Variants in C5orf24 observed in about 807,000 individuals in gnomAD.
C5orf24 encodes chromosome 5 open reading frame 24, also known as UPF0461 protein C5orf24.
Under a neutral mutation model 9.8 loss-of-function variants are expected in C5orf24, and 4 were observed. That is an observed-to-expected ratio of 0.41 (90% CI 0.20 to 0.93). C5orf24 has a LOEUF of 0.93. Among genes scored for constraint, C5orf24 ranks in the 40% least tolerant of loss-of-function variants. The pLI is 0.33. For synonymous variants in C5orf24, 73 were observed against 81.3 expected, an observed-to-expected ratio of 0.90 and a Z score of 0.55; for missense variants, 170 against 236.9, an observed-to-expected ratio of 0.72 and a Z score of 1.85.
rs1209236488 is a variant in C5orf24, at chr5:134,851,028, ATTTAT to A, written c.-3-3866_-3-3862del. On this transcript the variant is annotated intron_variant, in intron 1 of 1. Transcript: ENST00000394976. ...TATTTATTTATTTATTTATTTATTTATTTATTTTTGTTACCCTCCTGGTAAGTCAC... is the reference window on the plus strand; with the variant it reads ...TATTTATTTATTTATTTATTTATTTATTTTGTTACCCTCCTGGTAAGTCAC... Among the ~76,000 whole-genome samples, 315 of 148,760 alleles carry A rather than the reference ATTTAT, an allele frequency of 2.1e-3. 1 individual carries two copies. Among genetic ancestry groups the A allele is most frequent in the African/African-American group, 7.7e-3 (303 of 39,562 alleles).
At chr5:134,848,176 T>G (rs1324672969) in intron 1 of C5orf24, among the ~76,000 whole-genome samples, 2 of 151,612 alleles carry the variant, frequency 1.3e-5, no homozygotes, top group Admixed American at 6.6e-5. Context: ...CCAGGCGTGG[T>G]GGCTGGCGCC....
chr5:134,848,413 T>C (rs576040752), intron 1 of C5orf24, among the ~76,000 whole-genome samples: 1 of 151,952 alleles, frequency 6.6e-6, no homozygotes, highest in Admixed American at 6.6e-5. Flanking sequence ...TCCCGGCACT[T>C]TGGGAGGCCA....
At chr5:134,833,665 A>G in the C5orf24 span, 13 of 152,196 alleles carry the variant, frequency 8.5e-5, no homozygotes, top group African/African-American at 3.1e-4. Context: ...GGATATTTGA[A>G]GGCCTTCTAA....
rs1416272447 is a variant in C5orf24 at position 134,846,027 on chromosome 5, G to C, written c.-189G>C. 1.3e-5 allele frequency: 2 copies of C among 152,288 alleles called. No homozygotes were observed. Among genetic ancestry groups the C allele is most frequent in the Non-Finnish European group, 2.9e-5 (2 of 68,144 alleles). The allele number at this position is 152,288 out of a possible 1,614,324, so 9.4% of individuals were successfully genotyped here. A position where few individuals can be genotyped will look rare whatever the true frequency, so the allele number is the denominator to read the frequency against. ...CGTCCGGGGCAGGACCGTGCGCGGC[G>C]GCCGCGGCGGGTGCTGGGAGCCAGC... is the stretch of plus-strand genomic sequence containing the variant. On this transcript the variant is annotated 5_prime_UTR_variant, in exon 1 of 2. Coordinates refer to ENST00000394976, the MANE Select transcript of C5orf24 (RefSeq NM_001135586.1).
At chr5:134,836,829 A>C in the C5orf24 span, among the ~76,000 whole-genome samples, 535 of 152,160 alleles carry the variant, frequency 3.5e-3, 3 homozygotes, top group African/African-American at 0.012. Context: ...GGCATGAGCC[A>C]CCCCTCCCAG....
chr5:134,857,134 A>C lies in C5orf24; in HGVS notation c.*1667A>C, dbSNP rs761859541. On this transcript the variant is annotated 3_prime_UTR_variant, in exon 2 of 2. Transcript: ENST00000394976. ...ATTTATTGAGTTTGTTCTAAATAAA[A>C]TATTATAAACTTCAGACTTGAAAAA... 37 of 1,285,788 alleles carry C rather than the reference A, an allele frequency of 2.9e-5. No individual in the cohort carries two copies. The highest frequency in any genetic ancestry group is 3.6e-5 in the Admixed American group (1 of 27,544). The allele number at this position is 1,285,788 out of a possible 1,614,324, so 79.6% of individuals were successfully genotyped here.
Position 134,856,958 on chromosome 5 carries a change from T to A in C5orf24, c.*1491T>A. On this transcript the variant is annotated 3_prime_UTR_variant, in exon 2 of 2. Coordinates refer to ENST00000394976, the MANE Select transcript of C5orf24 (RefSeq NM_001135586.1). The stretch of plus-strand genomic sequence containing the variant: ...TCTTATTGTGGGTCCAGTGAGACCA[T>A]CTCATCCAAAAGATTTTTTTTCCCC... 1 of 1,004,976 alleles carries A rather than the reference T, an allele frequency of 1.0e-6. No individual in the cohort carries two copies. Among genetic ancestry groups the A allele is most frequent in the Non-Finnish European group, 1.2e-6 (1 of 833,318 alleles). The allele number at this position is 1,004,976 out of a possible 1,614,324, so 62.3% of individuals were successfully genotyped here. A position where few individuals can be genotyped will look rare whatever the true frequency, so the allele number is the denominator to read the frequency against.
In C5orf24 at chr5:134,857,489, C is replaced by T. The variant is rs1756345833; in HGVS notation, c.*2022C>T. On this transcript the variant is annotated 3_prime_UTR_variant, in exon 2 of 2. Coordinates refer to ENST00000394976, the MANE Select transcript of C5orf24 (RefSeq NM_001135586.1). The stretch of plus-strand genomic sequence containing the variant: ...GTGCACTGGCGTCTAAGACAGTGAC[C>T]TCAACAATATTAGCTTTGCACAAAC... 1 of 1,407,624 alleles carries T rather than the reference C, an allele frequency of 7.1e-7. No homozygotes were observed. Among genetic ancestry groups the T allele is most frequent in the Admixed American group, 2.5e-5 (1 of 39,906 alleles). 87.2% of individuals were successfully genotyped at this position (1,407,624 alleles called of 1,614,324 possible). A position where few individuals can be genotyped will look rare whatever the true frequency, so the allele number is the denominator to read the frequency against.
At chr5:134,849,551 A>G (rs1256056960) in intron 1 of C5orf24, among the ~76,000 whole-genome samples, 1 of 149,966 alleles carries the variant, frequency 6.7e-6, no homozygotes, top group African/African-American at 2.4e-5. Context: ...TTTATTAATT[A>G]TTAAGTAGAA....
chr5:134,856,676 TA>T lies in C5orf24; in HGVS notation c.*1212del, dbSNP rs1756322538. On this transcript the variant is annotated 3_prime_UTR_variant, in exon 2 of 2. Coordinates refer to ENST00000394976, the MANE Select transcript of C5orf24 (RefSeq NM_001135586.1). ...ATAAATAAATAAATAAATAAATAAA[TA>T]AATAAAACCATTTATTGATGTTGCT... is the stretch of plus-strand genomic sequence containing the variant. 1 of 857,660 alleles carries T rather than the reference TA, an allele frequency of 1.2e-6. No homozygotes were observed. Among genetic ancestry groups the T allele is most frequent in the African/African-American group, 1.8e-5 (1 of 54,188 alleles). The allele number at this position is 857,660 out of a possible 1,614,324, so 53.1% of individuals were successfully genotyped here. A position where few individuals can be genotyped will look rare whatever the true frequency, so the allele number is the denominator to read the frequency against.
chr5:134,859,693 A>T lies in C5orf24; in HGVS notation c.*4226A>T, dbSNP rs1177118965. ...GTTCATGATTTGTATCTACATCATCATATGGATGTATATTTATTAATAAAG... is the reference window on the plus strand; with the variant it reads ...GTTCATGATTTGTATCTACATCATCTTATGGATGTATATTTATTAATAAAG... On this transcript the variant is annotated 3_prime_UTR_variant, in exon 2 of 2. Transcript: ENST00000394976. 6.0e-6 allele frequency: 1 copy of T among 167,002 alleles called. No individual in the cohort carries two copies. Among genetic ancestry groups the T allele is most frequent in the East Asian group, 1.9e-4 (1 of 5,204 alleles). The allele number at this position is 167,002 out of a possible 1,614,324, so 10.3% of individuals were successfully genotyped here. A position where few individuals can be genotyped will look rare whatever the true frequency, so the allele number is the denominator to read the frequency against.
chr5:134,835,897 C>T, the C5orf24 span, among the ~76,000 whole-genome samples: 1 of 151,806 alleles, frequency 6.6e-6, no homozygotes, highest in Admixed American at 6.6e-5. Flanking sequence ...TGGGGTCTCG[C>T]TATGTTGCCC....
At chr5:134,849,372 G>A (rs1025441937) in intron 1 of C5orf24, among the ~76,000 whole-genome samples, 3 of 152,150 alleles carry the variant, frequency 2.0e-5, no homozygotes, top group African/African-American at 7.2e-5. Context: ...TAAATATGCT[G>A]CATGTAAATA....
chr5:134,838,389 G>A, the C5orf24 span, among the ~76,000 whole-genome samples: 2 of 152,148 alleles, frequency 1.3e-5, no homozygotes, highest in African/African-American at 4.8e-5. Flanking sequence ...GTGCACTCCC[G>A]GCCGGATGCG....
chr5:134,852,842 G>A (rs1199306006), intron 1 of C5orf24, among the ~76,000 whole-genome samples: 2 of 151,990 alleles, frequency 1.3e-5, no homozygotes, highest in African/African-American at 4.8e-5. Context: ...TTCAAGACCA[G>A]CCTGACCAAC....
At chr5:134,848,438 C>T (rs1756056899) in intron 1 of C5orf24, among the ~76,000 whole-genome samples, 2 of 151,500 alleles carry the variant, frequency 1.3e-5, no homozygotes, top group South Asian at 4.2e-4. Flanking sequence ...AGGCGAATCA[C>T]CTGAACTCGG....
Position 134,846,157 on chromosome 5 carries a change from C to A in C5orf24, c.-59C>A, listed in dbSNP as rs1294759212. The A allele has an allele frequency of 1.3e-5, 2 of 152,118 alleles. No homozygotes were observed. 9.4% of individuals were successfully genotyped at this position (152,118 alleles called of 1,614,324 possible). A position where few individuals can be genotyped will look rare whatever the true frequency, so the allele number is the denominator to read the frequency against. ...GAGGGAGCGGCGCCAGCACGAGGTT[C>A]CCAGCCGCTGGGAAGCCCCTAGACG... On this transcript the variant is annotated 5_prime_UTR_variant, in exon 1 of 2. Coordinates refer to ENST00000394976, the MANE Select transcript of C5orf24 (RefSeq NM_001135586.1).
intron 1 of C5orf24, among the ~76,000 whole-genome samples, chr5:134,848,554 A>G (rs1756060731): frequency 6.8e-6 from 1 of 146,530 alleles, no homozygotes; most frequent in Non-Finnish European, 1.5e-5. Flanking sequence ...CCAGCTACTC[A>G]GGAGGCTGAG....
intron 1 of C5orf24, among the ~76,000 whole-genome samples, chr5:134,847,391 G>C (rs1756025502): frequency 6.6e-6 from 1 of 151,870 alleles, no homozygotes; most frequent in Non-Finnish European, 1.5e-5. Context: ...TGCCTCCCGG[G>C]TTCAAGCAAT....
Sources: gnomAD v4.1 joint callset for allele counts (sites outside exome capture counted in the v4.1 genomes callset) on GRCh38, gnomAD v4.1.1 for gene constraint, MANE v1.5 for transcripts, NCBI Gene and HGNC (gene_info 2026-07-23, HGNC 2026-07-21) for gene names.